The following TLE4 variants were observed in gnomAD, a reference collection of about 807,000 sequenced individuals.
TLE4 encodes transducin-like enhancer protein 4.
TLE4 carries 8 observed loss-of-function variants against 92.8 expected under a neutral mutation model. The ratio of observed to expected loss-of-function variants is 0.09; its 90% CI spans 0.05 to 0.16. TLE4 has a LOEUF of 0.16. Among genes scored for constraint, TLE4 ranks in the 10% least tolerant of loss-of-function variants. TLE4 has a pLI of 1.00. For synonymous variants in TLE4, 371 were observed against 374.1 expected (o/e 0.99, Z 0.10); for missense variants, 675 against 997.6 (o/e 0.68, Z 4.36).
chr9:79,704,608 C>A, intron 8 of TLE4, 175 bp from the exon 9 acceptor site: 1 of 767,602 alleles, frequency 1.3e-6, no homozygotes. Context: ...TTGTCTTTCC[C>A]TTTATATCCC....
intron 8 of TLE4, among the ~76,000 whole-genome samples, chr9:79,688,907 A>T (rs13290472): frequency 2.2e-4 from 33 of 151,954 alleles, no homozygotes; most frequent in Non-Finnish European, 2.6e-4. Flanking sequence ...TGTGGAGGAC[A>T]ACATATCTTC....
intron 4 of TLE4, among the ~76,000 whole-genome samples, chr9:79,601,156 T>A (rs1283746610): frequency 6.6e-6 from 1 of 152,212 alleles, no homozygotes; most frequent in Non-Finnish European, 1.5e-5. Flanking sequence ...ATAGGAAGCT[T>A]TAATCATTTA....
At chr9:79,634,257 T>C (rs1473009694) in intron 6 of TLE4, among the ~76,000 whole-genome samples, 1 of 152,244 alleles carries the variant, frequency 6.6e-6, no homozygotes, top group African/African-American at 2.4e-5. Flanking sequence ...TTTTGGTAGC[T>C]GTCAGCTTGC....
chr9:79,697,467 C>A (rs1421225230), intron 8 of TLE4, among the ~76,000 whole-genome samples: 1 of 152,042 alleles, frequency 6.6e-6, no homozygotes, highest in Admixed American at 6.6e-5. Flanking sequence ...CCAACACTTG[C>A]ACCACATGCA....
chr9:79,631,892 C>T (rs1221125835), intron 6 of TLE4, among the ~76,000 whole-genome samples: 6 of 152,002 alleles, frequency 3.9e-5, no homozygotes, highest in Admixed American at 3.9e-4. Context: ...GTGTGTGTTT[C>T]CCTCCCTTAC....
chr9:79,633,096 T>C (rs2054746037), intron 6 of TLE4, among the ~76,000 whole-genome samples: 1 of 152,220 alleles, frequency 6.6e-6, no homozygotes, highest in Non-Finnish European at 1.5e-5. Context: ...ACTACATTAT[T>C]GAATGATGTA....
intron 8 of TLE4, among the ~76,000 whole-genome samples, chr9:79,666,813 A>C (rs528523108): frequency 1.3e-5 from 2 of 152,004 alleles, no homozygotes; most frequent in Admixed American, 6.5e-5. Context: ...TCAGCATTTT[A>C]AGACTGGGCT....
intron 4 of TLE4, among the ~76,000 whole-genome samples, chr9:79,591,240 A>G (rs965991900): frequency 2.6e-5 from 4 of 152,198 alleles, no homozygotes; most frequent in African/African-American, 9.7e-5. Flanking sequence ...GTGATTAAGG[A>G]TGCTGTTACG....
intron 4 of TLE4, chr9:79,601,603 TTA>T (rs2045681350): frequency 2.5e-6 from 1 of 405,244 alleles, no homozygotes; most frequent in African/African-American, 2.1e-5. Context: ...TGTAATAGTT[TTA>T]GAGTGCCGTG....
At position 79,704,946 on chromosome 9, in the gene TLE4, T is replaced by C. The variant is rs1483818248; in HGVS notation, c.729+44T>C. Reference sequence around the variant, plus strand: ...GTGTTAGGGGAGGCCAGCTTGCCTTTTTATCTGCAGCCATTTTACCCTTTG... The same window carrying C: ...GTGTTAGGGGAGGCCAGCTTGCCTTCTTATCTGCAGCCATTTTACCCTTTG... On this transcript the variant is annotated intron_variant, in intron 9 of 19. Coordinates refer to ENST00000376552, the MANE Select transcript of TLE4 (RefSeq NM_007005.6). 3 of 1,609,942 alleles carry C rather than the reference T, an allele frequency of 1.9e-6. No homozygotes were observed. In the East Asian group the frequency reaches 6.7e-5, roughly 36 times the overall value.
At chr9:79,684,886 G>A (rs1379762477) in intron 8 of TLE4, among the ~76,000 whole-genome samples, 1 of 152,212 alleles carries the variant, frequency 6.6e-6, no homozygotes, top group African/African-American at 2.4e-5. Flanking sequence ...GATACAGGGA[G>A]GTGTGAAAAA....
At chr9:79,598,075 GAAAA>G (rs748860967) in intron 4 of TLE4, among the ~76,000 whole-genome samples, 13 of 65,750 alleles carry the variant, frequency 2.0e-4, no homozygotes, top group Non-Finnish European at 3.0e-4. Context: ...TACTGAAAAA[GAAAA>G]AAAAAAAAAA....
intron 8 of TLE4, among the ~76,000 whole-genome samples, chr9:79,688,154 A>G (rs1401552817): frequency 6.6e-6 from 1 of 152,184 alleles, no homozygotes; most frequent in African/African-American, 2.4e-5. Context: ...AGGTCACAGT[A>G]TACTTCGTGC....
At chr9:79,608,359 A>G (rs2047584922) in intron 4 of TLE4, among the ~76,000 whole-genome samples, 2 of 152,158 alleles carry the variant, frequency 1.3e-5, no homozygotes, top group African/African-American at 4.8e-5. Context: ...ACAAATCAAG[A>G]TATTTTCTGA....
chr9:79,606,176 CAGT>C (rs1352044940), intron 4 of TLE4, among the ~76,000 whole-genome samples: 2 of 61,872 alleles, frequency 3.2e-5, no homozygotes, highest in Non-Finnish European at 6.4e-5. Flanking sequence ...CTTTATTAAG[CAGT>C]AGTAGTTGTT....
intron 8 of TLE4, among the ~76,000 whole-genome samples, chr9:79,658,200 A>T (rs1354518664): frequency 6.6e-6 from 1 of 152,250 alleles, no homozygotes; most frequent in African/African-American, 2.4e-5. Context: ...GTACTAATTT[A>T]AAATGCCAAA....
intron 8 of TLE4, among the ~76,000 whole-genome samples, chr9:79,684,108 T>C (rs2065284975): frequency 6.6e-6 from 1 of 152,218 alleles, no homozygotes; most frequent in Non-Finnish European, 1.5e-5. Flanking sequence ...ATGCATATCC[T>C]CAATTAAATG....
intron 8 of TLE4, among the ~76,000 whole-genome samples, chr9:79,683,728 T>C (rs1453513018): frequency 6.6e-6 from 1 of 152,240 alleles, no homozygotes; most frequent in East Asian, 1.9e-4. Flanking sequence ...AGTTGAGACC[T>C]AGAGTCAGAA....
At chr9:79,654,036 T>C in intron 7 of TLE4, 23 bp from the exon 8 acceptor site, 2 of 1,613,644 alleles carry the variant, frequency 1.2e-6, no homozygotes, top group South Asian at 2.2e-5. Flanking sequence ...TATCTGCTTG[T>C]GTTGCTGCTG....
Sources: allele counts gnomAD v4.1 joint callset (sites outside exome capture counted in the v4.1 genomes callset), GRCh38; gene constraint gnomAD v4.1.1; transcripts MANE v1.5; gene names NCBI Gene and HGNC (gene_info 2026-07-23, HGNC 2026-07-21).